The following CAMTA1 variants were observed in gnomAD, a reference collection of about 807,000 sequenced individuals.
CAMTA1 encodes the protein calmodulin binding transcription activator 1.
A neutral mutation model predicts 170.9 loss-of-function variants in CAMTA1; 27 were observed. That is an observed-to-expected ratio of 0.16 (90% confidence interval 0.12 to 0.22). The LOEUF (loss-of-function observed/expected upper bound fraction) is 0.22. CAMTA1 is among the 10% of genes least tolerant of loss of function. The probability of loss-of-function intolerance (pLI) is 1.00; values close to 1 mark genes in which losing one functional copy is unlikely to be tolerated. For synonymous variants in CAMTA1, 833 were observed against 891.5 expected, an observed-to-expected ratio of 0.93 and a Z score of 1.17; for missense variants, 1,619 against 2,217.2, an observed-to-expected ratio of 0.73 and a Z score of 5.42.
chr1:7,035,795 A>G (rs1703507126), intron 3 of CAMTA1, among the ~76,000 whole-genome samples: 1 of 152,258 alleles, frequency 6.6e-6, no homozygotes, highest in African/African-American at 2.4e-5. Context: ...TGTGTTAACA[A>G]CGTTTACACT....
In CAMTA1 at chr1:7,113,274, G is replaced by T. The variant is rs79338294; in HGVS notation, c.302+21903G>T. 6.6e-6 allele frequency among the ~76,000 whole-genome samples: 1 copy of T among 152,252 alleles called. No homozygotes were observed. The highest frequency in any genetic ancestry group is 1.5e-5 in the Non-Finnish European group (1 of 68,044). Reference sequence around the variant, plus strand: ...TGGGGCCAGAGGATCGTGGTTGGCCGTGGGCTGGTCACTGCCATGTGGGCT... The same window carrying T: ...TGGGGCCAGAGGATCGTGGTTGGCCTTGGGCTGGTCACTGCCATGTGGGCT... On this transcript the variant is annotated intron_variant, in intron 4 of 22. Coordinates refer to ENST00000303635, the MANE Select transcript of CAMTA1 (RefSeq NM_015215.4). The surrounding 1 kb of genome is among the most constrained non-coding windows in gnomAD (Gnocchi z 4.5).
At chr1:7,212,253 T>C (rs1180834453) in intron 4 of CAMTA1, among the ~76,000 whole-genome samples, 1 of 152,204 alleles carries the variant, frequency 6.6e-6, no homozygotes, top group Admixed American at 6.5e-5. Flanking sequence ...TTGTGTTCTA[T>C]TTTATGGTCT....
At chr1:7,324,240 C>G (rs1678926377) in intron 5 of CAMTA1, among the ~76,000 whole-genome samples, 1 of 152,164 alleles carries the variant, frequency 6.6e-6, no homozygotes, top group Non-Finnish European at 1.5e-5. Context: ...TGGTGATCCT[C>G]TTTATCTCTA....
intron 6 of CAMTA1, among the ~76,000 whole-genome samples, chr1:7,515,224 G>A (rs2094267234): frequency 6.6e-6 from 1 of 152,164 alleles, no homozygotes; most frequent in Non-Finnish European, 1.5e-5. Flanking sequence ...GATCATCCCA[G>A]GTGTCCCCTT....
chr1:7,066,566 G>A (rs1482881584), intron 3 of CAMTA1, among the ~76,000 whole-genome samples: 2 of 152,248 alleles, frequency 1.3e-5, no homozygotes, highest in Non-Finnish European at 2.9e-5. Context: ...TCTTTCCCAT[G>A]TTCTGGATGG....
intron 4 of CAMTA1, among the ~76,000 whole-genome samples, chr1:7,134,212 G>C (rs1347574484): frequency 6.6e-6 from 1 of 152,156 alleles, no homozygotes; most frequent in African/African-American, 2.4e-5. Context: ...CATCCATGTT[G>C]CTCCAAAGGA....
chr1:7,655,718 CACAT>C (rs1227083978), intron 7 of CAMTA1, among the ~76,000 whole-genome samples: 2 of 152,044 alleles, frequency 1.3e-5, no homozygotes, highest in African/African-American at 4.8e-5. Context: ...CATCTATATA[CACAT>C]ACACCGATAC....
chr1:7,299,742 AC>A lies in CAMTA1; in HGVS notation c.438+50120del, dbSNP rs1674495179. Among the ~76,000 whole-genome samples the A allele has an allele frequency of 2.6e-5, 4 of 152,170 alleles. No individual in the cohort carries two copies. The highest frequency in any genetic ancestry group is 1.5e-5 in the Non-Finnish European group (1 of 68,018). On this transcript the variant is annotated intron_variant, in intron 5 of 22. Coordinates refer to ENST00000303635, the MANE Select transcript of CAMTA1 (RefSeq NM_015215.4). This position sits in a 1 kb window ranked among gnomAD's most constrained non-coding sequence, Gnocchi z 4.7. Reference sequence around the variant, plus strand: ...TGAGAGGGTACAAGGAGGTGTTCCAACCCCTCACTGAGACAGGATTTCTAGC... The same window carrying A: ...TGAGAGGGTACAAGGAGGTGTTCCAACCCTCACTGAGACAGGATTTCTAGC...
intron 3 of CAMTA1, among the ~76,000 whole-genome samples, chr1:6,940,056 G>A (rs912796241): frequency 3.3e-5 from 5 of 152,280 alleles, no homozygotes; most frequent in African/African-American, 1.2e-4. Context: ...GCAGAAGTGT[G>A]TTGAGTTGAG....
chr1:7,066,552 C>T (rs989168761), intron 3 of CAMTA1, among the ~76,000 whole-genome samples: 1 of 152,226 alleles, frequency 6.6e-6, no homozygotes, highest in Non-Finnish European at 1.5e-5. Context: ...TGAAATGCTT[C>T]CCCTCTTTCC....
intron 3 of CAMTA1, among the ~76,000 whole-genome samples, chr1:6,930,566 G>T (rs946737048): frequency 6.6e-6 from 1 of 152,208 alleles, no homozygotes; most frequent in African/African-American, 2.4e-5. Context: ...GGGGTTAGGG[G>T]TTCGGCCCTC....
chr1:7,120,865 A>G (rs957223440), intron 4 of CAMTA1, among the ~76,000 whole-genome samples: 1 of 152,216 alleles, frequency 6.6e-6, no homozygotes, highest in South Asian at 2.1e-4. Context: ...GTTATCAGGG[A>G]TGGAATTAAA....
chr1:7,587,727 G>A (rs1297054545), intron 6 of CAMTA1, among the ~76,000 whole-genome samples: 1 of 152,000 alleles, frequency 6.6e-6, no homozygotes, highest in Admixed American at 6.5e-5. Context: ...TCCCCCGAGC[G>A]CCCAGCTTCT....
chr1:7,244,871 A>G (rs1264446483), intron 4 of CAMTA1, among the ~76,000 whole-genome samples: 1 of 152,126 alleles, frequency 6.6e-6, no homozygotes, highest in Non-Finnish European at 1.5e-5. Flanking sequence ...GTGCACATGT[A>G]CCCTAAAGCT....
intron 6 of CAMTA1, among the ~76,000 whole-genome samples, chr1:7,503,329 G>A (rs1363463095): frequency 2.0e-5 from 3 of 152,176 alleles, no homozygotes; most frequent in Non-Finnish European, 2.9e-5. Flanking sequence ...TAAGCCAGAG[G>A]GTGTGCTTCA....
At chr1:6,831,719 G>A (rs6679634) in intron 3 of CAMTA1, among the ~76,000 whole-genome samples, 57 of 152,120 alleles carry the variant, frequency 3.7e-4, no homozygotes, top group African/African-American at 1.3e-3. Flanking sequence ...TCTAGAGTAA[G>A]CAAACAAAAT....
At chr1:7,655,545 T>C (rs2095892902) in intron 7 of CAMTA1, among the ~76,000 whole-genome samples, 1 of 142,792 alleles carries the variant, frequency 7.0e-6, no homozygotes, top group African/African-American at 2.6e-5. Flanking sequence ...CACACTGATA[T>C]GCACACCTAT....
chr1:7,550,163 G>GAGCTT (rs1395299229), intron 6 of CAMTA1, among the ~76,000 whole-genome samples: 3 of 152,114 alleles, frequency 2.0e-5, no homozygotes, highest in Non-Finnish European at 4.4e-5. Flanking sequence ...CAGCTGAGCT[G>GAGCTT]ACCTAGTAAC....
At chr1:6,897,150 A>C (rs1675819549) in intron 3 of CAMTA1, among the ~76,000 whole-genome samples, 1 of 152,214 alleles carries the variant, frequency 6.6e-6, no homozygotes, top group Non-Finnish European at 1.5e-5. Context: ...GCCTGAGTAG[A>C]GAACAGGTTC....
Sources: allele counts gnomAD v4.1 joint callset (sites outside exome capture counted in the v4.1 genomes callset), GRCh38; gene constraint gnomAD v4.1.1; non-coding constraint Gnocchi (gnomAD v3.1); transcripts MANE v1.5; gene names NCBI Gene and HGNC (gene_info 2026-07-23, HGNC 2026-07-21).